The following EPHA3 variants were observed in gnomAD, a reference collection of about 807,000 sequenced individuals.
EPHA3 encodes the protein EPH receptor A3, also known as ephrin type-A receptor 3.
A neutral mutation model predicts 107.1 loss-of-function variants in EPHA3; 42 were observed. The observed-to-expected ratio is 0.39, with a 90% CI of 0.31 to 0.51. The LOEUF is 0.51. Among genes scored for constraint, EPHA3 ranks in the 20% least tolerant of loss-of-function variants. The probability of loss-of-function intolerance (pLI) is 0.78; values close to 1 mark genes in which losing one functional copy is unlikely to be tolerated. For synonymous variants in EPHA3, 461 were observed against 424.8 expected (o/e 1.09, Z -1.05); for missense variants, 1,183 against 1,211.2 (o/e 0.98, Z 0.35).
intron 3 of EPHA3, among the ~76,000 whole-genome samples, chr3:89,219,690 T>G (rs67609598): frequency 0.45 from 6,304 of 14,044 alleles, 1,451 homozygotes; most frequent in South Asian, 0.56. Context: ...TTGGCAATGT[T>G]TTTTTTTTTT....
chr3:89,133,987 T>C (rs950381050), intron 2 of EPHA3, among the ~76,000 whole-genome samples: 1 of 152,046 alleles, frequency 6.6e-6, no homozygotes, highest in African/African-American at 2.4e-5. Flanking sequence ...AATGGTTCAC[T>C]GTTGTGTAGA....
At chr3:89,439,276 C>T (rs1285187624) in intron 13 of EPHA3, among the ~76,000 whole-genome samples, 1 of 152,118 alleles carries the variant, frequency 6.6e-6, no homozygotes, top group Non-Finnish European at 1.5e-5. Flanking sequence ...TTATTTAGCT[C>T]AGACTAAATG....
intron 3 of EPHA3, among the ~76,000 whole-genome samples, chr3:89,258,068 C>T (rs1413333624): frequency 6.6e-6 from 1 of 152,204 alleles, no homozygotes; most frequent in Non-Finnish European, 1.5e-5. Flanking sequence ...CTGCTCTATG[C>T]CTCATGCTAT....
rs559810663 is a variant in EPHA3 at position 89,295,839 on chromosome 3, C to T, written c.815-45077C>T. Among the ~76,000 whole-genome samples, 33 of 152,262 alleles carry T rather than the reference C, an allele frequency of 2.2e-4. No homozygotes were observed. The East Asian group carries it at 6.4e-3, about 30-fold the overall frequency. ...TCCCAACCTCAGGTGATCTGCCTGC[C>T]TCTGCCTCCCAAAGTGCTGGGATTA... On this transcript the variant is annotated intron_variant, in intron 3 of 16. Coordinates refer to ENST00000336596, the MANE Select transcript of EPHA3 (RefSeq NM_005233.6).
At chr3:89,134,735 G>A (rs990819782) in intron 2 of EPHA3, among the ~76,000 whole-genome samples, 2 of 152,066 alleles carry the variant, frequency 1.3e-5, no homozygotes, top group African/African-American at 4.8e-5. Context: ...AAAATTTCTT[G>A]AACCACCACT....
At chr3:89,234,817 T>C (rs1704716876) in intron 3 of EPHA3, among the ~76,000 whole-genome samples, 2 of 129,868 alleles carry the variant, frequency 1.5e-5, no homozygotes, top group South Asian at 2.9e-4. Context: ...CTCCTTTCTT[T>C]CCTTCCTTTC....
intron 5 of EPHA3, among the ~76,000 whole-genome samples, chr3:89,347,675 G>C (rs955771125): frequency 2.0e-5 from 3 of 150,696 alleles, no homozygotes; most frequent in South Asian, 2.1e-4. Flanking sequence ...GTGAGAGAGG[G>C]CATCCCTGTC....
At chr3:89,337,066 GAAA>G (rs531242644) in intron 3 of EPHA3, among the ~76,000 whole-genome samples, 35 of 98,996 alleles carry the variant, frequency 3.5e-4, no homozygotes, top group Admixed American at 3.2e-3. Context: ...CTCAAAAAAA[GAAA>G]AAAAAAAAAA....
At chr3:89,134,017 AAAC>A (rs1704258792) in intron 2 of EPHA3, among the ~76,000 whole-genome samples, 2 of 146,136 alleles carry the variant, frequency 1.4e-5, no homozygotes, top group South Asian at 4.4e-4. Flanking sequence ...TGACACTTCA[AAAC>A]AACATTTTTT....
At chr3:89,178,446 G>A (rs1705365343) in intron 2 of EPHA3, among the ~76,000 whole-genome samples, 2 of 152,028 alleles carry the variant, frequency 1.3e-5, no homozygotes, top group African/African-American at 4.8e-5. Context: ...GAGTCTGGCT[G>A]TGGAGTTATA....
intron 3 of EPHA3, among the ~76,000 whole-genome samples, chr3:89,264,926 T>G (rs1705501167): frequency 6.6e-6 from 1 of 152,144 alleles, no homozygotes; most frequent in Admixed American, 6.6e-5. Flanking sequence ...TTTTCATTAA[T>G]TTTTGTGGGT....
chr3:89,313,559 C>T (rs1307339311), intron 3 of EPHA3, among the ~76,000 whole-genome samples: 1 of 151,906 alleles, frequency 6.6e-6, no homozygotes, highest in African/African-American at 2.4e-5. Flanking sequence ...TAACTTATTA[C>T]AATATACTTC....
At chr3:89,226,127 G>T (rs1048222929) in intron 3 of EPHA3, among the ~76,000 whole-genome samples, 1 of 152,076 alleles carries the variant, frequency 6.6e-6, no homozygotes, top group South Asian at 2.1e-4. Flanking sequence ...GCTTTAATCA[G>T]TATAAATGGT....
intron 2 of EPHA3, among the ~76,000 whole-genome samples, chr3:89,155,888 G>A (rs1401830696): frequency 1.3e-5 from 2 of 151,992 alleles, no homozygotes; most frequent in African/African-American, 4.8e-5. Context: ...AAGTCGTACT[G>A]CAGTGGTAGG....
intron 2 of EPHA3, among the ~76,000 whole-genome samples, chr3:89,156,900 A>T (rs76112090): frequency 4.6e-5 from 7 of 151,646 alleles, no homozygotes; most frequent in Admixed American, 4.0e-4. Flanking sequence ...GGAAAAAAAA[A>T]TGTAACTAAG....
intron 3 of EPHA3, among the ~76,000 whole-genome samples, chr3:89,319,956 A>T (rs1169790023): frequency 1.3e-5 from 2 of 151,944 alleles, no homozygotes; most frequent in South Asian, 4.1e-4. Flanking sequence ...ATAACAGAAC[A>T]AAGTGGTATT....
At chr3:89,454,286 A>G (rs1276469156) in intron 15 of EPHA3, among the ~76,000 whole-genome samples, 2 of 152,162 alleles carry the variant, frequency 1.3e-5, no homozygotes, top group African/African-American at 4.8e-5. Flanking sequence ...ACTCACAGAC[A>G]TAAAGTCAAT....
intron 3 of EPHA3, among the ~76,000 whole-genome samples, chr3:89,236,307 A>G (rs1704759559): frequency 1.3e-5 from 2 of 152,076 alleles, no homozygotes; most frequent in African/African-American, 4.8e-5. Context: ...ATAAGATCTC[A>G]AAATAATACA....
intron 3 of EPHA3, among the ~76,000 whole-genome samples, chr3:89,322,525 G>T (rs1180098759): frequency 6.6e-6 from 1 of 152,048 alleles, no homozygotes; most frequent in Non-Finnish European, 1.5e-5. Context: ...TACATGTTTG[G>T]AAACTATGTA....
Sources: gnomAD v4.1 joint callset for allele counts (sites outside exome capture counted in the v4.1 genomes callset) on GRCh38, gnomAD v4.1.1 for gene constraint, MANE v1.5 for transcripts, NCBI Gene and HGNC (gene_info 2026-07-23, HGNC 2026-07-21) for gene names.